SLIT3: variants seen among roughly 807,000 people sequenced by gnomAD.
SLIT3 encodes slit homolog 3 protein.
Under a neutral mutation model 184.0 loss-of-function variants are expected in SLIT3, and 68 were observed. The ratio of observed to expected loss-of-function variants is 0.37; its 90% CI spans 0.30 to 0.45. The LOEUF is 0.45. Among genes scored for constraint, SLIT3 ranks in the 20% least tolerant of loss-of-function variants. The pLI is 1.00. For synonymous variants in SLIT3, 831 were observed against 828.6 expected, an observed-to-expected ratio of 1.00 and a Z score of -0.05; for missense variants, 1,707 against 2,026.0, an observed-to-expected ratio of 0.84 and a Z score of 3.02.
At chr5:169,121,928 A>G (rs2113289739) in intron 4 of SLIT3, among the ~76,000 whole-genome samples, 1 of 152,266 alleles carries the variant, frequency 6.6e-6, no homozygotes, top group South Asian at 2.1e-4. Flanking sequence ...CAACACTCCA[A>G]TTTGACTGAT....
intron 6 of SLIT3, among the ~76,000 whole-genome samples, chr5:168,831,384 T>A (rs1212190926): frequency 6.6e-6 from 1 of 152,098 alleles, no homozygotes. Context: ...TCCTGGACTA[T>A]CCTGGGTGCT....
intron 4 of SLIT3, among the ~76,000 whole-genome samples, chr5:168,886,279 C>T (rs372294348): frequency 6.6e-6 from 1 of 152,272 alleles, no homozygotes; most frequent in South Asian, 2.1e-4. Flanking sequence ...CTGACAGCTT[C>T]AATGGTGTTA....
chr5:168,867,983 A>G (rs187456330), intron 5 of SLIT3, among the ~76,000 whole-genome samples: 1 of 152,336 alleles, frequency 6.6e-6, no homozygotes, highest in East Asian at 1.9e-4. Context: ...CCAACATGGT[A>G]TGGACACTTA....
chr5:169,068,739 G>A (rs147430383), intron 4 of SLIT3, among the ~76,000 whole-genome samples: 11 of 152,068 alleles, frequency 7.2e-5, no homozygotes, highest in South Asian at 2.1e-4. Context: ...CATGCACTAA[G>A]CACACACAAC....
At chr5:169,295,630 C>G (rs377115433) in intron 1 of SLIT3, among the ~76,000 whole-genome samples, 1 of 152,232 alleles carries the variant, frequency 6.6e-6, no homozygotes, top group South Asian at 2.1e-4. Flanking sequence ...GCCCTAACCA[C>G]GATGCTTAGG....
intron 20 of SLIT3, among the ~76,000 whole-genome samples, chr5:168,740,420 G>T (rs1437403939): frequency 6.6e-6 from 1 of 152,140 alleles, no homozygotes; most frequent in East Asian, 1.9e-4. Context: ...AGAAATGCTG[G>T]GCAACTTTGT....
chr5:169,213,477 T>C (rs1172704728), intron 3 of SLIT3, among the ~76,000 whole-genome samples: 4 of 152,090 alleles, frequency 2.6e-5, no homozygotes, highest in Non-Finnish European at 2.9e-5. Flanking sequence ...GCCAAGACAA[T>C]CCTAAGCAAA....
intron 4 of SLIT3, among the ~76,000 whole-genome samples, chr5:169,133,570 G>T (rs1336956026): frequency 6.6e-6 from 1 of 152,210 alleles, no homozygotes; most frequent in African/African-American, 2.4e-5. Context: ...CTCGAGGTGG[G>T]AGAAAAATAA....
intron 5 of SLIT3, among the ~76,000 whole-genome samples, chr5:168,847,655 G>A (rs374880687): frequency 3.3e-5 from 5 of 152,190 alleles, no homozygotes; most frequent in Non-Finnish European, 5.9e-5. Flanking sequence ...ACACCTCAGC[G>A]ACATAAAAGT....
chr5:168,711,168 C>A, intron 24 of SLIT3, 110 bp from the exon 25 acceptor site: 2 of 960,078 alleles, frequency 2.1e-6, no homozygotes, highest in Non-Finnish European at 3.0e-6. Flanking sequence ...CTGGAGGTAT[C>A]CAATATGGGG....
intron 6 of SLIT3, among the ~76,000 whole-genome samples, chr5:168,826,955 G>C (rs906710705): frequency 6.6e-6 from 1 of 152,098 alleles, no homozygotes; most frequent in Non-Finnish European, 1.5e-5. Context: ...GTAGAGACAG[G>C]GTTTTGCCAT....
chr5:169,287,855 G>C (rs553184116), intron 1 of SLIT3, among the ~76,000 whole-genome samples: 1 of 152,272 alleles, frequency 6.6e-6, no homozygotes, highest in Admixed American at 6.5e-5. Context: ...CACAGCCACA[G>C]CATAGGTCTC....
intron 4 of SLIT3, among the ~76,000 whole-genome samples, chr5:168,927,467 C>T (rs1761866864): frequency 6.6e-6 from 1 of 152,180 alleles, no homozygotes; most frequent in Non-Finnish European, 1.5e-5. Context: ...AGACTTGACA[C>T]TACTAAATTA....
chr5:168,850,516 T>C (rs1360940568), intron 5 of SLIT3, among the ~76,000 whole-genome samples: 2 of 152,248 alleles, frequency 1.3e-5, no homozygotes. Flanking sequence ...TGACGTTTAA[T>C]GTGGTATAGC....
chr5:168,981,412 G>T (rs765722992), intron 4 of SLIT3, among the ~76,000 whole-genome samples: 12 of 152,170 alleles, frequency 7.9e-5, no homozygotes, highest in Non-Finnish European at 4.4e-5. Flanking sequence ...GGGCCTCAAG[G>T]ACTGAGGCAG....
chr5:168,887,892 A>G (rs1326095673), intron 4 of SLIT3, among the ~76,000 whole-genome samples: 1 of 152,084 alleles, frequency 6.6e-6, no homozygotes, highest in Non-Finnish European at 1.5e-5. Flanking sequence ...TATGCCTTCA[A>G]CTCTACAAAG....
chr5:169,132,031 C>G (rs890662883), intron 4 of SLIT3, among the ~76,000 whole-genome samples: 5 of 152,140 alleles, frequency 3.3e-5, no homozygotes, highest in African/African-American at 1.2e-4. Context: ...CCTAGAAGAG[C>G]CACATCAGCT....
chr5:169,120,655 AC>A (rs1189998296), intron 4 of SLIT3, among the ~76,000 whole-genome samples: 2 of 152,176 alleles, frequency 1.3e-5, no homozygotes, highest in African/African-American at 4.8e-5. Context: ...ATTTGTTAAG[AC>A]AGCAGTAGGA....
At chr5:169,114,759 C>T (rs778415029) in intron 4 of SLIT3, among the ~76,000 whole-genome samples, 12 of 152,200 alleles carry the variant, frequency 7.9e-5, no homozygotes, top group Admixed American at 1.3e-4. Flanking sequence ...CTGCTCTCAC[C>T]ACCTGGGAAG....
Sources: gnomAD v4.1 joint callset for allele counts (sites outside exome capture counted in the v4.1 genomes callset) on GRCh38, gnomAD v4.1.1 for gene constraint, MANE v1.5 for transcripts, NCBI Gene and HGNC (gene_info 2026-07-23, HGNC 2026-07-21) for gene names.